CHST9: variants seen among roughly 807,000 people sequenced by gnomAD.
CHST9 encodes carbohydrate sulfotransferase 9.
Under a neutral mutation model 44.4 loss-of-function variants are expected in CHST9, and 41 were observed. That is an observed-to-expected ratio of 0.92 (90% CI 0.72 to 1.20). The LOEUF is 1.20. CHST9 is among the 50% of genes most tolerant of loss of function. The probability of loss-of-function intolerance (pLI) is 0.00; values close to 1 mark genes in which losing one functional copy is unlikely to be tolerated. For synonymous variants in CHST9, 171 were observed against 178.4 expected, an observed-to-expected ratio of 0.96 and a Z score of 0.33; for missense variants, 504 against 516.5, an observed-to-expected ratio of 0.98 and a Z score of 0.23.
intron 2 of CHST9, among the ~76,000 whole-genome samples, chr18:27,126,273 T>G (rs1314513735): frequency 6.6e-6 from 1 of 152,202 alleles, no homozygotes; most frequent in Non-Finnish European, 1.5e-5. Context: ...CTTGATATTT[T>G]CAAATTGAGT....
intron 2 of CHST9, among the ~76,000 whole-genome samples, chr18:27,052,489 A>G (rs920677572): frequency 5.3e-5 from 8 of 152,066 alleles, no homozygotes; most frequent in East Asian, 3.9e-4. Flanking sequence ...TAGTATCTTT[A>G]TCTCAGTCTG....
intron 1 of CHST9, among the ~76,000 whole-genome samples, chr18:27,172,089 A>C (rs2058837776): frequency 6.6e-6 from 1 of 152,172 alleles, no homozygotes; most frequent in African/African-American, 2.4e-5. Context: ...TTTATTATCA[A>C]AAGTTTCCAT....
At chr18:26,947,284 G>T (rs2056178558) in intron 4 of CHST9, among the ~76,000 whole-genome samples, 1 of 152,250 alleles carries the variant, frequency 6.6e-6, no homozygotes, top group South Asian at 2.1e-4. Context: ...TGTAGCTGTT[G>T]TGAATGGGAG....
intron 2 of CHST9, among the ~76,000 whole-genome samples, chr18:27,091,285 A>G (rs1334419182): frequency 6.6e-6 from 1 of 152,082 alleles, no homozygotes; most frequent in East Asian, 1.9e-4. Flanking sequence ...TAATTTTTGC[A>G]CATTGATTTT....
intron 2 of CHST9, among the ~76,000 whole-genome samples, chr18:27,115,538 T>A (rs895452472): frequency 6.6e-6 from 1 of 152,142 alleles, no homozygotes; most frequent in Non-Finnish European, 1.5e-5. Context: ...TTTGTTTTTT[T>A]AAATCTCACT....
rs1045858232 is a variant in CHST9, at chr18:27,015,442, G to A, written c.202+8674C>T. ...AAATGCTGCCTGGCCAGTGTAGGGCGTGGAATCAAGGAGGGGACACTGACT... is the reference window on the plus strand; with the variant it reads ...AAATGCTGCCTGGCCAGTGTAGGGCATGGAATCAAGGAGGGGACACTGACT... On this transcript the variant is annotated intron_variant, in intron 4 of 5. Coordinates refer to ENST00000618847, the MANE Select transcript of CHST9 (RefSeq NM_031422.6). Among the ~76,000 whole-genome samples, 9 of 151,720 alleles carry A rather than the reference G, an allele frequency of 5.9e-5. No homozygotes were observed. In the East Asian group the frequency reaches 7.8e-4, roughly 13 times the overall value.
chr18:27,089,690 T>C (rs2058048577), intron 2 of CHST9, among the ~76,000 whole-genome samples: 1 of 152,212 alleles, frequency 6.6e-6, no homozygotes, highest in Non-Finnish European at 1.5e-5. Context: ...ATTCTAGACC[T>C]AGATCCTTGA....
At chr18:26,923,275 GC>G (rs1445227003) in intron 5 of CHST9, among the ~76,000 whole-genome samples, 1 of 152,176 alleles carries the variant, frequency 6.6e-6, no homozygotes, top group East Asian at 1.9e-4. Flanking sequence ...GAAAAGACTG[GC>G]CCAGTTTGAG....
chr18:27,176,177 A>G (rs1247442399), intron 1 of CHST9, among the ~76,000 whole-genome samples: 1 of 152,040 alleles, frequency 6.6e-6, no homozygotes, highest in Non-Finnish European at 1.5e-5. Flanking sequence ...CTGGGCTACA[A>G]AAATCAGGTG....
At chr18:27,070,956 A>C (rs1217201197) in intron 2 of CHST9, among the ~76,000 whole-genome samples, 1 of 152,176 alleles carries the variant, frequency 6.6e-6, no homozygotes, top group East Asian at 1.9e-4. Context: ...CTGACCCCCC[A>C]GTACCCCACA....
intron 2 of CHST9, among the ~76,000 whole-genome samples, chr18:27,128,515 G>A (rs529627131): frequency 1.3e-5 from 2 of 152,102 alleles, no homozygotes; most frequent in Non-Finnish European, 2.9e-5. Context: ...TGATCCACCC[G>A]CCTCGGCCTC....
At chr18:27,053,281 A>AAGAAGAAGAAGAAGAAGAG (rs1568151323) in intron 2 of CHST9, among the ~76,000 whole-genome samples, 1 of 134,436 alleles carries the variant, frequency 7.4e-6, no homozygotes, top group African/African-American at 2.9e-5. Context: ...AAGGAGAAGG[A>AAGAAGAAGAAGAAGAAGAG]GAAGGAGAAG....
At chr18:27,044,969 C>T (rs1482237655) in intron 3 of CHST9, among the ~76,000 whole-genome samples, 4 of 150,674 alleles carry the variant, frequency 2.7e-5, no homozygotes, top group Non-Finnish European at 4.4e-5. Flanking sequence ...AAAAGTAAGC[C>T]GCAAGGGACT....
chr18:26,939,283 T>C (rs948019041), intron 5 of CHST9, among the ~76,000 whole-genome samples: 58 of 152,170 alleles, frequency 3.8e-4, no homozygotes, highest in Admixed American at 3.7e-3. Flanking sequence ...ATGAGTAAAT[T>C]TTGTACATGA....
At chr18:27,166,045 C>T (rs1307654344) in intron 1 of CHST9, among the ~76,000 whole-genome samples, 1 of 152,132 alleles carries the variant, frequency 6.6e-6, no homozygotes, top group Non-Finnish European at 1.5e-5. Flanking sequence ...GTAATCATTG[C>T]TTTTTCAACC....
At chr18:27,052,256 ATATATATATGTG>A (rs1451594269) in intron 2 of CHST9, among the ~76,000 whole-genome samples, 1 of 146,668 alleles carries the variant, frequency 6.8e-6, no homozygotes, top group Non-Finnish European at 1.5e-5. Context: ...GTGTGTGTGT[ATATATATATGTG>A]TATATATATG....
At chr18:27,062,535 C>T (rs1340484153) in intron 2 of CHST9, among the ~76,000 whole-genome samples, 3 of 152,172 alleles carry the variant, frequency 2.0e-5, no homozygotes, top group South Asian at 4.1e-4. Flanking sequence ...TGTATATGTG[C>T]CACATTTTCT....
intron 4 of CHST9, among the ~76,000 whole-genome samples, chr18:26,980,996 T>C (rs1406894650): frequency 2.0e-5 from 3 of 152,204 alleles, no homozygotes; most frequent in African/African-American, 7.2e-5. Context: ...ATCCTCTATA[T>C]AGAAATGATC....
Position 27,138,746 on chromosome 18 carries a change from C to T in CHST9, c.121+3943G>A, listed in dbSNP as rs140472695. 2.0e-4 allele frequency among the ~76,000 whole-genome samples: 31 copies of T among 152,242 alleles called. No individual in the cohort carries two copies. In the East Asian group the frequency reaches 5.8e-3, roughly 28 times the overall value. ...CTGCAACCCTCTGTGAAAAATATGA[C>T]TATCCTCATTTTACAGATAAGGAAA... is the stretch of plus-strand genomic sequence containing the variant. On this transcript the variant is annotated intron_variant, in intron 2 of 5. Coordinates refer to ENST00000618847, the MANE Select transcript of CHST9 (RefSeq NM_031422.6).
Sources: allele counts gnomAD v4.1 joint callset (sites outside exome capture counted in the v4.1 genomes callset), GRCh38; gene constraint gnomAD v4.1.1; transcripts MANE v1.5; gene names NCBI Gene and HGNC (gene_info 2026-07-23, HGNC 2026-07-21).